SLC11A2: variants seen among roughly 807,000 people sequenced by gnomAD.
SLC11A2 encodes natural resistance-associated macrophage protein 2.
A neutral mutation model predicts 68.0 loss-of-function variants in SLC11A2; 38 were observed. That is an observed-to-expected ratio of 0.56 (90% CI 0.43 to 0.73). The LOEUF (loss-of-function observed/expected upper bound fraction) is 0.73, where lower values mean the gene tolerates loss of function less well. Among genes scored for constraint, SLC11A2 ranks in the 30% least tolerant of loss-of-function variants. The pLI, the probability that SLC11A2 is intolerant of heterozygous loss-of-function variation, is 0.00. For missense variants in SLC11A2, 517 were observed against 690.5 expected (o/e 0.75, Z 2.82); for synonymous variants, 242 against 250.6 (o/e 0.97, Z 0.32).
rs368174743 is a variant in SLC11A2 at position 50,995,515 on chromosome 12, G to A, written c.990+114C>T. On this transcript the variant is annotated intron_variant, in intron 10 of 15. Transcript: ENST00000262052. ...ATTTTGGGGGGCAGACGAGAAGCTA[G>A]AGATTATTTCTCCTGAACATTAACA... 64 of 1,121,166 alleles carry A rather than the reference G, an allele frequency of 5.7e-5. No individual in the cohort carries two copies. The African/African-American group carries it at 7.2e-4, about 13-fold the overall frequency. The allele number at this position is 1,121,166 out of a possible 1,614,324, so 69.5% of individuals were successfully genotyped here.
the SLC11A2 span, among the ~76,000 whole-genome samples, chr12:50,969,516 A>G: frequency 6.6e-6 from 1 of 152,062 alleles, no homozygotes; most frequent in Non-Finnish European, 1.5e-5. Context: ...CCTGGCCAAC[A>G]TGGCGAAACG....
chr12:51,010,943 C>G (rs185965462), intron 1 of SLC11A2, among the ~76,000 whole-genome samples, 177 bp from the exon 2 acceptor site: 31 of 151,988 alleles, frequency 2.0e-4, no homozygotes, highest in African/African-American at 6.5e-4. Context: ...AGATATTTAA[C>G]AAAAAAAGAA....
At chr12:50,955,224 T>C in the SLC11A2 span, among the ~76,000 whole-genome samples, 2 of 152,062 alleles carry the variant, frequency 1.3e-5, no homozygotes, top group African/African-American at 4.8e-5. Context: ...ACCCGGGAGG[T>C]AGAGGTTGGG....
intron 1 of SLC11A2, among the ~76,000 whole-genome samples, chr12:51,018,609 T>A (rs1382738694): frequency 3.3e-5 from 5 of 151,712 alleles, no homozygotes; most frequent in African/African-American, 4.8e-5. Context: ...CAAAACCCCA[T>A]CCCTACAAAA....
intron 1 of SLC11A2, among the ~76,000 whole-genome samples, chr12:51,014,704 T>C (rs1198620071): frequency 6.6e-6 from 1 of 151,486 alleles, no homozygotes; most frequent in East Asian, 1.9e-4. Flanking sequence ...AATACAAACA[T>C]TAGCCAGGCG....
At chr12:50,958,035 A>C in the SLC11A2 span, among the ~76,000 whole-genome samples, 1 of 147,672 alleles carries the variant, frequency 6.8e-6, no homozygotes, top group Non-Finnish European at 1.5e-5. Flanking sequence ...CGAACTTCTG[A>C]CCTCAAGTGA....
intron 3 of SLC11A2, among the ~76,000 whole-genome samples, chr12:51,007,507 G>C (rs2136296783): frequency 6.6e-6 from 1 of 151,996 alleles, no homozygotes. Context: ...GCTAACTTTT[G>C]TATCTTTAGT....
intron 2 of SLC11A2, chr12:51,009,426 G>T: frequency 2.9e-6 from 1 of 343,286 alleles, no homozygotes; most frequent in Non-Finnish European, 4.1e-6. Flanking sequence ...AATACACAGA[G>T]CCTAGTTTGC....
chr12:50,978,644 TA>T (rs879454530), downstream of SLC11A2, among the ~76,000 whole-genome samples: 2,175 of 145,050 alleles, frequency 0.015, 18 homozygotes, highest in Middle Eastern at 0.025. Context: ...AGTATAATAA[TA>T]AAAAAAAAAA....
At chr12:51,000,539 T>C (rs1298570826) in intron 5 of SLC11A2, 120 bp from the exon 6 acceptor site, 2 of 756,348 alleles carry the variant, frequency 2.6e-6, no homozygotes, top group Non-Finnish European at 4.7e-6. Flanking sequence ...GCCTCCAGAC[T>C]AGAGAAGAAA....
intron 3 of SLC11A2, among the ~76,000 whole-genome samples, chr12:51,007,048 T>TCAATCA (rs1365259439): frequency 6.6e-6 from 1 of 152,002 alleles, no homozygotes; most frequent in African/African-American, 2.4e-5. Flanking sequence ...GCACCCAGTG[T>TCAATCA]CAATCAATTT....
chr12:51,003,146 G>T (rs551403039), intron 5 of SLC11A2, among the ~76,000 whole-genome samples: 1 of 151,586 alleles, frequency 6.6e-6, no homozygotes, highest in Non-Finnish European at 1.5e-5. Flanking sequence ...TGAGGCAGGA[G>T]AATCACTTGA....
At chr12:51,022,215 A>C (rs1944092387) in intron 1 of SLC11A2, among the ~76,000 whole-genome samples, 1 of 152,098 alleles carries the variant, frequency 6.6e-6, no homozygotes, top group Non-Finnish European at 1.5e-5. Context: ...CACCTCTATC[A>C]TGGAACACAA....
chr12:50,970,005 C>T, the SLC11A2 span, among the ~76,000 whole-genome samples: 13 of 152,072 alleles, frequency 8.5e-5, no homozygotes, highest in African/African-American at 2.9e-4. Context: ...ACATATCATC[C>T]GCCTAAACTC....
At chr12:50,959,699 G>A in the SLC11A2 span, among the ~76,000 whole-genome samples, 1 of 152,014 alleles carries the variant, frequency 6.6e-6, no homozygotes, top group Non-Finnish European at 1.5e-5. Context: ...CCAAGCTGGA[G>A]TGCAGTAGCA....
chr12:51,027,835 A>G (rs1944449245), upstream of SLC11A2, among the ~76,000 whole-genome samples: 1 of 151,148 alleles, frequency 6.6e-6, no homozygotes, highest in Admixed American at 6.6e-5. Flanking sequence ...GAGACCAAGA[A>G]ATGAGGAAAG....
chr12:51,013,573 G>GT, intron 1 of SLC11A2, among the ~76,000 whole-genome samples: 2 of 151,710 alleles, frequency 1.3e-5, no homozygotes, highest in South Asian at 4.2e-4. Flanking sequence ...GCTGGGCACT[G>GT]TTTAAGGCAC....
Position 51,000,421 on chromosome 12 carries a change from T to A in SLC11A2, c.430-2A>T. The A allele has an allele frequency of 1.2e-6, 2 of 1,605,408 alleles. No homozygotes were observed. The highest frequency in any genetic ancestry group is 1.7e-6 in the Non-Finnish European group (2 of 1,171,984). Reference sequence around the variant, plus strand: ...CAGCCACAGGATGACTCGTGGGACCTAAACATCAAACAGTAGAAAGACACG... The same window carrying A: ...CAGCCACAGGATGACTCGTGGGACCAAAACATCAAACAGTAGAAAGACACG... On this transcript the variant is annotated splice_acceptor_variant, in intron 5 of 15. Transcript: ENST00000262052. LOFTEE classifies it high-confidence loss of function.
rs115207082 is a variant in SLC11A2 at position 50,990,308 on chromosome 12, C to A, written c.1575+487G>T. 5.0e-3 allele frequency among the ~76,000 whole-genome samples: 768 copies of A among 152,224 alleles called. 7 individuals carry two copies. Among genetic ancestry groups the A allele is most frequent in the African/African-American group, 0.018 (729 of 41,536 alleles). On this transcript the variant is annotated intron_variant, in intron 15 of 15. Transcript: ENST00000262052. ...CCGAATCTCTAAATCACACTGCATG[C>A]CCTATTCTCCACCTCTGTTTTGTAC...
Sources: allele counts gnomAD v4.1 joint callset (sites outside exome capture counted in the v4.1 genomes callset), GRCh38; gene constraint gnomAD v4.1.1; transcripts MANE v1.5; gene names NCBI Gene and HGNC (gene_info 2026-07-23, HGNC 2026-07-21).